The following GFRA2 variants were observed in gnomAD, a reference collection of about 807,000 sequenced individuals.
GFRA2 encodes the protein GDNF family receptor alpha 2.
GFRA2 carries 17 observed loss-of-function variants against 48.3 expected under a neutral mutation model. That is an observed-to-expected ratio of 0.35 (90% CI 0.24 to 0.53). GFRA2 has a LOEUF of 0.53. Among genes scored for constraint, GFRA2 ranks in the 20% least tolerant of loss-of-function variants. The pLI is 0.93. For missense variants in GFRA2, 660 were observed against 637.3 expected, an observed-to-expected ratio of 1.04 and a Z score of -0.38; for synonymous variants, 305 against 257.2, an observed-to-expected ratio of 1.19 and a Z score of -1.78.
intron 3 of GFRA2, among the ~76,000 whole-genome samples, chr8:21,758,450 T>A (rs1213547821): frequency 1.3e-5 from 2 of 152,162 alleles, no homozygotes; most frequent in Non-Finnish European, 2.9e-5. Flanking sequence ...CCAGGTGTTT[T>A]AACCACCCTT....
chr8:21,807,252 C>A (rs1807889711), intron 1 of GFRA2, among the ~76,000 whole-genome samples: 1 of 152,288 alleles, frequency 6.6e-6, no homozygotes, highest in Non-Finnish European at 1.5e-5. Context: ...ATTACTGCAA[C>A]AGTGGGTTTG....
intron 2 of GFRA2, among the ~76,000 whole-genome samples, chr8:21,802,982 G>C (rs1206416270): frequency 2.6e-5 from 4 of 152,156 alleles, no homozygotes; most frequent in Admixed American, 2.0e-4. Flanking sequence ...TAAAATATCA[G>C]ACTTCGGTCA....
chr8:21,739,574 C>G (rs1804650038), intron 4 of GFRA2, among the ~76,000 whole-genome samples: 1 of 152,176 alleles, frequency 6.6e-6, no homozygotes, highest in African/African-American at 2.4e-5. Context: ...TGAGAGACCC[C>G]AAAAGGGCCC....
At position 21,692,133 on chromosome 8, in the gene GFRA2, T is replaced by A. The variant is rs1801904987; in HGVS notation, c.*1145A>T. The A allele has an allele frequency of 6.6e-6, 1 of 152,620 alleles. No individual in the cohort carries two copies. The highest frequency in any genetic ancestry group is 2.1e-4 in the South Asian group (1 of 4,810). 9.5% of individuals were successfully genotyped at this position (152,620 alleles called of 1,614,324 possible). ...GGCACTGCGGGGCCAATGTCCTTTTTCCCCATTATAGACAACAGTATTAAA... is the reference window on the plus strand; with the variant it reads ...GGCACTGCGGGGCCAATGTCCTTTTACCCCATTATAGACAACAGTATTAAA... On this transcript the variant is annotated 3_prime_UTR_variant, in exon 9 of 9. Transcript: ENST00000524240.
At chr8:21,758,747 A>G (rs770946134) in intron 3 of GFRA2, among the ~76,000 whole-genome samples, 1 of 151,678 alleles carries the variant, frequency 6.6e-6, no homozygotes, top group Admixed American at 6.6e-5. Context: ...CCAGTGCAAG[A>G]CTCTCAGGGA....
At chr8:21,751,323 C>G (rs943562455) in intron 3 of GFRA2, among the ~76,000 whole-genome samples, 1 of 152,146 alleles carries the variant, frequency 6.6e-6, no homozygotes, top group Non-Finnish European at 1.5e-5. Context: ...AACGAGGGGG[C>G]CCCCGTGCAC....
intron 4 of GFRA2, among the ~76,000 whole-genome samples, chr8:21,712,771 G>A (rs1191182013): frequency 1.3e-5 from 2 of 152,218 alleles, no homozygotes; most frequent in African/African-American, 2.4e-5. Flanking sequence ...TCGGGAGGCC[G>A]AGGCTGGCGG....
intron 3 of GFRA2, among the ~76,000 whole-genome samples, chr8:21,769,950 G>A (rs1806367281): frequency 6.6e-6 from 1 of 152,142 alleles, no homozygotes; most frequent in Non-Finnish European, 1.5e-5. Flanking sequence ...AACCAAGCAA[G>A]ATGGCCCACC....
At chr8:21,764,121 G>C (rs36145129) in intron 3 of GFRA2, among the ~76,000 whole-genome samples, 3 of 151,946 alleles carry the variant, frequency 2.0e-5, no homozygotes, top group East Asian at 3.9e-4. Context: ...TGGTCTGTTC[G>C]GGCTGCTATA....
intron 2 of GFRA2, among the ~76,000 whole-genome samples, chr8:21,779,039 T>TA (rs1279854264): frequency 3.3e-4 from 46 of 140,828 alleles, no homozygotes; most frequent in South Asian, 1.1e-3. Flanking sequence ...CATCTCTACT[T>TA]AAAAAAAAAA....
chr8:21,769,622 G>A (rs1806350282), intron 3 of GFRA2, among the ~76,000 whole-genome samples: 1 of 152,170 alleles, frequency 6.6e-6, no homozygotes, highest in Admixed American at 6.5e-5. Context: ...CAGCCGTGAT[G>A]CCAGGATCCT....
At chr8:21,757,967 G>T (rs1226231161) in intron 3 of GFRA2, among the ~76,000 whole-genome samples, 1 of 152,008 alleles carries the variant, frequency 6.6e-6, no homozygotes, top group Admixed American at 6.6e-5. Context: ...ATATTCGTCG[G>T]CCCCATCTCC....
chr8:21,772,377 C>T (rs1042187726), intron 3 of GFRA2, among the ~76,000 whole-genome samples: 20 of 152,302 alleles, frequency 1.3e-4, no homozygotes, highest in Non-Finnish European at 2.5e-4. Flanking sequence ...CATTATGGCT[C>T]ACTGCAGCTT....
intron 4 of GFRA2, among the ~76,000 whole-genome samples, chr8:21,714,862 T>G (rs1237815393): frequency 2.6e-5 from 4 of 152,090 alleles, no homozygotes; most frequent in Non-Finnish European, 4.4e-5. Flanking sequence ...CACTTGAATA[T>G]TTCATGGAGG....
At chr8:21,789,729 C>A (rs1807495984), upstream of GFRA2, among the ~76,000 whole-genome samples, 1 of 151,712 alleles carries the variant, frequency 6.6e-6, no homozygotes, top group African/African-American at 2.4e-5. Context: ...GCGCTTGCCT[C>A]CCGCCCGCCC....
chr8:21,714,246 CTT>C (rs10674628), intron 4 of GFRA2, among the ~76,000 whole-genome samples: 7 of 78,400 alleles, frequency 8.9e-5, no homozygotes, highest in African/African-American at 2.1e-4. Context: ...GTCTGAAGTT[CTT>C]TTTTTTTTTT....
chr8:21,782,939 G>A (rs1248995640), intron 1 of GFRA2, 40 bp from the exon 2 acceptor site: 9 of 1,508,256 alleles, frequency 6.0e-6, no homozygotes, highest in Non-Finnish European at 8.0e-6. Flanking sequence ...AATGACGGCC[G>A]CCACAATCTC....
At chr8:21,756,807 A>T (rs1341615393) in intron 3 of GFRA2, among the ~76,000 whole-genome samples, 1 of 152,158 alleles carries the variant, frequency 6.6e-6, no homozygotes, top group African/African-American at 2.4e-5. Context: ...CTGCACTGAG[A>T]GCTGAGACCA....
intron 1 of GFRA2, among the ~76,000 whole-genome samples, chr8:21,806,320 C>A (rs1165765305): frequency 6.6e-6 from 1 of 152,162 alleles, no homozygotes; most frequent in African/African-American, 2.4e-5. Context: ...CAGAAGAGTA[C>A]TCAATAAATT....
Sources: gnomAD v4.1 joint callset for allele counts (sites outside exome capture counted in the v4.1 genomes callset) on GRCh38, gnomAD v4.1.1 for gene constraint, MANE v1.5 for transcripts, NCBI Gene and HGNC (gene_info 2026-07-23, HGNC 2026-07-21) for gene names.